The following BDP1 variants were observed in gnomAD, a reference collection of about 807,000 sequenced individuals.
BDP1 encodes transcription factor TFIIIB component B'' homolog.
BDP1 carries 169 observed loss-of-function variants against 266.6 expected under a neutral mutation model. The observed-to-expected ratio is 0.63, with a 90% CI of 0.56 to 0.72. BDP1 has a LOEUF of 0.72. Among genes scored for constraint, BDP1 ranks in the 30% least tolerant of loss-of-function variants. The pLI, the probability that BDP1 is intolerant of heterozygous loss-of-function variation, is 0.00. For synonymous variants in BDP1, 1,090 were observed against 1,022.4 expected, an observed-to-expected ratio of 1.07 and a Z score of -1.26; for missense variants, 3,015 against 3,053.8, an observed-to-expected ratio of 0.99 and a Z score of 0.30.
At position 71,522,307 on chromosome 5, in the gene BDP1, T is replaced by C. The variant is rs1765535161; in HGVS notation, c.5010T>C (p.Tyr1670=). Residue 1670 remains tyrosine (Y), a synonymous_variant, in exon 23 of 39, where the codon TAT becomes TAC. Coordinates refer to ENST00000358731, the MANE Select transcript of BDP1 (RefSeq NM_018429.3). ...ATTCTAGACATGAAAATAAACCGTA[T>C]GTTCCTAGTTCAGCACAAATGACAA... The part of the protein sequence containing the change: ...NETIRHENKP[Y]VPSSAQMTRR... The C allele has an allele frequency of 1.2e-6, 2 of 1,613,256 alleles. No individual in the cohort carries two copies. Among genetic ancestry groups the C allele is most frequent in the Middle Eastern group, 1.6e-4 (1 of 6,084 alleles).
intron 2 of BDP1, among the ~76,000 whole-genome samples, chr5:71,461,609 A>G (rs1348804770): frequency 2.0e-5 from 3 of 152,122 alleles, no homozygotes; most frequent in Non-Finnish European, 4.4e-5. Context: ...GCAAAACCCC[A>G]TCTCAAAAGT....
chr5:71,545,266 C>T (rs1214812691), intron 32 of BDP1, 47 bp downstream of exon 32: 1 of 1,480,814 alleles, frequency 6.8e-7, no homozygotes, highest in Non-Finnish European at 9.2e-7. Context: ...TGTTTTCCTC[C>T]ATTTAAAAAA....
intron 4 of BDP1, among the ~76,000 whole-genome samples, chr5:71,465,891 T>A (rs1002560356): frequency 4.0e-5 from 6 of 151,724 alleles, no homozygotes; most frequent in African/African-American, 7.3e-5. Flanking sequence ...AAAAAAAAAA[T>A]AAGACTTCTT....
intron 13 of BDP1, among the ~76,000 whole-genome samples, chr5:71,497,675 A>G (rs1363902967): frequency 6.6e-6 from 1 of 152,168 alleles, no homozygotes; most frequent in Admixed American, 6.5e-5. Context: ...ACTTCTATAA[A>G]ATTTTTATTT....
At chr5:71,525,384 G>A (rs1418584609) in intron 25 of BDP1, among the ~76,000 whole-genome samples, 1 of 148,698 alleles carries the variant, frequency 6.7e-6, no homozygotes, top group South Asian at 2.2e-4. Flanking sequence ...GGCTGGCCGG[G>A]CGGGGGGCTG....
chr5:71,543,056 G>A (rs1767069383), intron 30 of BDP1, among the ~76,000 whole-genome samples: 1 of 152,056 alleles, frequency 6.6e-6, no homozygotes, highest in Admixed American at 6.6e-5. Context: ...GGGAAGCCAA[G>A]GTGGGTGGCT....
chr5:71,464,314 G>A (rs918902471), intron 4 of BDP1, among the ~76,000 whole-genome samples, 197 bp downstream of exon 4: 1 of 152,020 alleles, frequency 6.6e-6, no homozygotes, highest in Non-Finnish European at 1.5e-5. Flanking sequence ...GGGCATCATA[G>A]TGACATTTTG....
At position 71,502,798 on chromosome 5, in the gene BDP1, A is replaced by G. The variant is rs1160860411; in HGVS notation, c.2241+7A>G. ...ATCCTGTGCTGATAGAGATGTAAGT[A>G]CTCTGATTCCTCCTCACATTTTTGG... On this transcript the variant is annotated splice_region_variant and intron_variant, in intron 15 of 38. Transcript: ENST00000358731. 6.2e-7 allele frequency: 1 copy of G among 1,603,636 alleles called. No individual in the cohort carries two copies. The highest frequency in any genetic ancestry group is 2.2e-5 in the East Asian group (1 of 44,774).
chr5:71,542,389 A>G (rs1767023223), intron 30 of BDP1, 124 bp downstream of exon 30: 5 of 885,584 alleles, frequency 5.6e-6, no homozygotes, highest in African/African-American at 1.7e-5. Flanking sequence ...CAAATTAAAA[A>G]GTAAGACGAG....
At chr5:71,563,475 GTGATAAAGAT>G (rs1026005680) in intron 38 of BDP1, among the ~76,000 whole-genome samples, 2 of 152,038 alleles carry the variant, frequency 1.3e-5, no homozygotes, top group Non-Finnish European at 2.9e-5. Flanking sequence ...AAGGCCCTTT[GTGATAAAGAT>G]TGCAATTTTT....
At position 71,566,275 on chromosome 5, in the gene BDP1, A is replaced by G. The variant is rs993684844; in HGVS notation, c.*1390A>G. 7 of 152,644 alleles carry G rather than the reference A, an allele frequency of 4.6e-5. No homozygotes were observed. Among genetic ancestry groups the G allele is most frequent in the African/African-American group, 1.4e-4 (6 of 41,454 alleles). The allele number at this position is 152,644 out of a possible 1,614,324, so 9.5% of individuals were successfully genotyped here. The stretch of plus-strand genomic sequence containing the variant: ...TAGTTTTTAAAAAGCCAATTTCTTC[A>G]TAGTTTTTTCCCATTAAATTCTCAA... On this transcript the variant is annotated 3_prime_UTR_variant, in exon 39 of 39. Coordinates refer to ENST00000358731, the MANE Select transcript of BDP1 (RefSeq NM_018429.3).
chr5:71,479,410 T>A lies in BDP1; in HGVS notation c.1015-4432T>A, dbSNP rs560428234. Among the ~76,000 whole-genome samples the A allele has an allele frequency of 3.1e-4, 47 of 152,174 alleles. 1 individual carries two copies. Among genetic ancestry groups the A allele is most frequent in the Non-Finnish European group, 2.8e-4 (19 of 68,022 alleles). On this transcript the variant is annotated intron_variant, in intron 7 of 38. Coordinates refer to ENST00000358731, the MANE Select transcript of BDP1 (RefSeq NM_018429.3). ...TCCCCATCTCTTCACTATACTTTCC[T>A]CTGAATCGTGAAACATCTCTATAAT...
intron 25 of BDP1, among the ~76,000 whole-genome samples, chr5:71,525,658 C>T (rs1199030267): frequency 8.2e-6 from 1 of 121,908 alleles, no homozygotes; most frequent in African/African-American, 3.0e-5. Context: ...CACCTCCCTT[C>T]CGGACGGGGT....
At chr5:71,548,081 G>A (rs1319866294) in intron 32 of BDP1, among the ~76,000 whole-genome samples, 2 of 152,166 alleles carry the variant, frequency 1.3e-5, no homozygotes, top group Non-Finnish European at 2.9e-5. Context: ...CCAGGAGTTT[G>A]AGACCAGCCT....
At chr5:71,531,563 C>T (rs1240804182) in intron 25 of BDP1, among the ~76,000 whole-genome samples, 1 of 152,092 alleles carries the variant, frequency 6.6e-6, no homozygotes, top group African/African-American at 2.4e-5. Context: ...AGCTAGAGTG[C>T]AGTGGCATAA....
chr5:71,479,812 C>A (rs1209367102), intron 7 of BDP1, among the ~76,000 whole-genome samples: 1 of 152,220 alleles, frequency 6.6e-6, no homozygotes, highest in Non-Finnish European at 1.5e-5. Context: ...TCCCAAAGTA[C>A]TGGGATTACA....
At position 71,480,036 on chromosome 5, in the gene BDP1, C is replaced by T. The variant is rs1321877505; in HGVS notation, c.1015-3806C>T. Reference sequence around the variant, plus strand: ...CTTGGCTCACTGCAACCTCCGCCTCCCAGGTTCAATCGATTCTCCTTCCTC... The same window carrying T: ...CTTGGCTCACTGCAACCTCCGCCTCTCAGGTTCAATCGATTCTCCTTCCTC... On this transcript the variant is annotated intron_variant, in intron 7 of 38. Transcript: ENST00000358731. Among the ~76,000 whole-genome samples the T allele has an allele frequency of 8.5e-5, 13 of 152,180 alleles. No homozygotes were observed. In the East Asian group the frequency reaches 2.5e-3, roughly 29 times the overall value.
At chr5:71,502,077 G>A (rs1051030456) in intron 14 of BDP1, among the ~76,000 whole-genome samples, 1 of 151,918 alleles carries the variant, frequency 6.6e-6, no homozygotes, top group Non-Finnish European at 1.5e-5. Context: ...CCTTAGTCAG[G>A]AGTAGTATTC....
intron 26 of BDP1, among the ~76,000 whole-genome samples, chr5:71,534,504 T>G (rs7727476): frequency 0.017 from 2,532 of 152,082 alleles, 62 homozygotes; most frequent in African/African-American, 0.057. Flanking sequence ...AAGTTTTTTT[T>G]TTGTTGTTGT....
Sources: gnomAD v4.1 joint callset for allele counts (sites outside exome capture counted in the v4.1 genomes callset) on GRCh38, gnomAD v4.1.1 for gene constraint, MANE v1.5 for transcripts, NCBI Gene and HGNC (gene_info 2026-07-23, HGNC 2026-07-21) for gene names.